Variants in CALN1 observed in about 807,000 individuals in gnomAD.
CALN1 encodes the protein calcium-binding protein 8.
A neutral mutation model predicts 30.6 loss-of-function variants in CALN1; 17 were observed. That is an observed-to-expected ratio of 0.56 (90% CI 0.38 to 0.83). CALN1 has a LOEUF of 0.83. Ranked by LOEUF, CALN1 falls within the 40% of genes least tolerant of loss-of-function variation. The pLI is 0.00. For synonymous variants in CALN1, 156 were observed against 131.4 expected (o/e 1.19, Z -1.28); for missense variants, 291 against 354.9 (o/e 0.82, Z 1.45).
the CALN1 span, among the ~76,000 whole-genome samples, chr7:72,496,408 AC>A: frequency 1.3e-5 from 2 of 152,246 alleles, no homozygotes; most frequent in Admixed American, 6.5e-5. Context: ...ACAACTGTAA[AC>A]AATGGACAAA....
chr7:71,966,630 A>T (rs2129525864), intron 5 of CALN1, among the ~76,000 whole-genome samples: 1 of 152,312 alleles, frequency 6.6e-6, no homozygotes, highest in South Asian at 2.1e-4. Flanking sequence ...GAAGCTCAGC[A>T]GATTCCAGCA....
chr7:71,801,416 G>GTATC (rs1245370935), intron 6 of CALN1, among the ~76,000 whole-genome samples: 1,119 of 107,626 alleles, frequency 0.01, 1 homozygote, highest in East Asian at 0.021. Flanking sequence ...ATGTATGTAT[G>GTATC]TATGTATGTA....
chr7:71,795,267 G>A (rs550057406), intron 6 of CALN1, among the ~76,000 whole-genome samples: 58 of 152,062 alleles, frequency 3.8e-4, no homozygotes, highest in African/African-American at 1.3e-3. Context: ...TGATCCATCC[G>A]CCTCGGCCTC....
chr7:72,320,269 G>T (rs115776905), intron 2 of CALN1, among the ~76,000 whole-genome samples: 1 of 152,180 alleles, frequency 6.6e-6, no homozygotes, highest in Non-Finnish European at 1.5e-5. Context: ...CCCAGCCTAC[G>T]ACCTTGCAAA....
chr7:72,121,551 T>G (rs1808395687), intron 3 of CALN1, among the ~76,000 whole-genome samples: 1 of 148,574 alleles, frequency 6.7e-6, no homozygotes, highest in Non-Finnish European at 1.5e-5. Context: ...TCCTGGACTC[T>G]GAGCCAGGTC....
chr7:72,460,919 G>C, the CALN1 span, among the ~76,000 whole-genome samples: 1 of 152,160 alleles, frequency 6.6e-6, no homozygotes, highest in Admixed American at 6.5e-5. Context: ...CTGAGTCTGG[G>C]TTCAGCTCCA....
At chr7:72,410,611 T>C (rs963303587) in intron 1 of CALN1, among the ~76,000 whole-genome samples, 1 of 152,246 alleles carries the variant, frequency 6.6e-6, no homozygotes, top group African/African-American at 2.4e-5. Flanking sequence ...GGAGCCCTAA[T>C]GTCCCTTCAT....
chr7:72,211,351 G>A (rs920831846), intron 3 of CALN1, among the ~76,000 whole-genome samples: 1 of 151,946 alleles, frequency 6.6e-6, no homozygotes, highest in Non-Finnish European at 1.5e-5. Flanking sequence ...CACTTTTCCC[G>A]CCCATTCCCT....
intron 4 of CALN1, among the ~76,000 whole-genome samples, chr7:72,037,238 C>A (rs894105689): frequency 3.3e-5 from 5 of 152,186 alleles, no homozygotes; most frequent in Middle Eastern, 3.2e-3. Flanking sequence ...GCAAGCCCCA[C>A]CTCCTGGGTT....
intron 6 of CALN1, among the ~76,000 whole-genome samples, chr7:71,793,847 G>T (rs945992438): frequency 6.6e-6 from 1 of 151,246 alleles, no homozygotes; most frequent in Non-Finnish European, 1.5e-5. Context: ...CTGGGTGACA[G>T]AGCAAGACTG....
intron 5 of CALN1, among the ~76,000 whole-genome samples, chr7:71,940,141 CA>C (rs1342143771): frequency 6.6e-6 from 1 of 152,122 alleles, no homozygotes; most frequent in Admixed American, 6.6e-5. Context: ...TCCCTTTTTC[CA>C]GGCTCTGATC....
At position 71,954,320 on chromosome 7, in the gene CALN1, C is replaced by T. The variant is rs181246904; in HGVS notation, c.501+69337G>A. On this transcript the variant is annotated intron_variant, in intron 5 of 6. Transcript: ENST00000395275. ...TAAAAATACAAAAAAATTAGCCAGG[C>T]GTGGTGGCACACACCTGTATTCCCA... is the stretch of plus-strand genomic sequence containing the variant. 4.7e-3 allele frequency among the ~76,000 whole-genome samples: 719 copies of T among 152,044 alleles called. 2 individuals are homozygous for T. Among genetic ancestry groups the T allele is most frequent in the Non-Finnish European group, 6.4e-3 (437 of 67,992 alleles).
the CALN1 span, among the ~76,000 whole-genome samples, chr7:72,502,081 G>C: frequency 1.3e-5 from 2 of 148,302 alleles, no homozygotes; most frequent in Non-Finnish European, 3.0e-5. Flanking sequence ...CTTTGCCAGT[G>C]CTAAGGGCCT....
chr7:72,095,755 A>T (rs1806173039), intron 4 of CALN1, among the ~76,000 whole-genome samples: 1 of 152,192 alleles, frequency 6.6e-6, no homozygotes, highest in South Asian at 2.1e-4. Flanking sequence ...ATTCTGGGCC[A>T]AGCCTGGTAG....
At chr7:72,414,201 A>T (rs1370451538), upstream of CALN1, among the ~76,000 whole-genome samples, 1 of 152,152 alleles carries the variant, frequency 6.6e-6, no homozygotes, top group Non-Finnish European at 1.5e-5. Context: ...CCCATGCTGG[A>T]GCCAGAGGCC....
At chr7:71,977,877 A>G (rs190103898) in intron 5 of CALN1, among the ~76,000 whole-genome samples, 222 of 148,964 alleles carry the variant, frequency 1.5e-3, no homozygotes, top group African/African-American at 4.7e-3. Context: ...CGTTGCAGTG[A>G]GCTGAGATTG....
At chr7:72,227,782 G>A (rs942282670) in intron 3 of CALN1, among the ~76,000 whole-genome samples, 9 of 151,460 alleles carry the variant, frequency 5.9e-5, no homozygotes, top group African/African-American at 2.4e-5. Flanking sequence ...CCTGGGAGGC[G>A]GGGGTTGCAG....
At chr7:72,014,436 T>G (rs981298189) in intron 5 of CALN1, among the ~76,000 whole-genome samples, 3 of 152,132 alleles carry the variant, frequency 2.0e-5, no homozygotes, top group South Asian at 4.1e-4. Flanking sequence ...ATTACATGAT[T>G]TATTTTCCAT....
intron 5 of CALN1, among the ~76,000 whole-genome samples, chr7:71,997,256 A>T (rs1443035636): frequency 6.6e-6 from 1 of 152,128 alleles, no homozygotes; most frequent in Non-Finnish European, 1.5e-5. Flanking sequence ...AAAGAAAGAA[A>T]GAATCAAATG....
Sources: allele counts gnomAD v4.1 joint callset (sites outside exome capture counted in the v4.1 genomes callset), GRCh38; gene constraint gnomAD v4.1.1; transcripts MANE v1.5; gene names NCBI Gene and HGNC (gene_info 2026-07-23, HGNC 2026-07-21).